Variants in NIPBL observed in about 807,000 individuals in gnomAD.
The protein encoded by NIPBL is NIPBL cohesin loading factor, also known as nipped-B-like protein.
NIPBL carries 19 observed loss-of-function variants against 321.8 expected under a neutral mutation model. The ratio of observed to expected loss-of-function variants is 0.06; its 90% CI spans 0.04 to 0.09. NIPBL has a LOEUF of 0.09. Among genes scored for constraint, NIPBL ranks in the 10% least tolerant of loss-of-function variants. The probability of loss-of-function intolerance (pLI) is 1.00; values close to 1 mark genes in which losing one functional copy is unlikely to be tolerated. For synonymous variants in NIPBL, 1,106 were observed against 1,114.1 expected (o/e 0.99, Z 0.14); for missense variants, 2,210 against 3,327.0 (o/e 0.66, Z 8.26).
At chr5:36,976,906 A>G (rs746044224) in intron 9 of NIPBL, among the ~76,000 whole-genome samples, 17 of 152,058 alleles carry the variant, frequency 1.1e-4, no homozygotes, top group Non-Finnish European at 2.1e-4. Flanking sequence ...TAAACAAATC[A>G]TGGAAAGAGT....
chr5:36,882,266 T>C (rs1745561731), intron 1 of NIPBL, among the ~76,000 whole-genome samples: 1 of 151,174 alleles, frequency 6.6e-6, no homozygotes, highest in South Asian at 2.1e-4. Flanking sequence ...AGTTTAGGGA[T>C]TTTTTTTGTG....
chr5:36,910,760 G>C (rs1162429503), intron 1 of NIPBL, among the ~76,000 whole-genome samples: 1 of 152,110 alleles, frequency 6.6e-6, no homozygotes, highest in African/African-American at 2.4e-5. Flanking sequence ...TTTCAGTACT[G>C]GTGATCTATT....
intron 1 of NIPBL, among the ~76,000 whole-genome samples, chr5:36,908,854 T>C (rs1270121413): frequency 6.6e-6 from 1 of 152,220 alleles, no homozygotes; most frequent in Non-Finnish European, 1.5e-5. Context: ...CTTGAAGTCT[T>C]ACCTAAGGAA....
rs769488387 is a variant in NIPBL at position 36,985,860 on chromosome 5, C to T, written c.2680C>T (p.Arg894Cys). ...GEQKSRPDSP[R>C]VKQGDSNKSR... is the part of the protein sequence containing the mutation. ...ACAAAAATCAAGACCTGACAGTCCT[C>T]GTGTTAAACAAGGAGATTCTAATAA... The change falls in exon 10 of 47, where the codon CGT becomes TGT. Residue 894 changes from arginine to cysteine, a missense_variant. Physicochemically the swap from Arg to Cys is radical, Grantham distance 180. This residue lies in a region of NIPBL where 588 missense variants were observed against 564.1 expected (regional missense o/e 1.04). Coordinates refer to ENST00000282516, the MANE Select transcript of NIPBL (RefSeq NM_133433.4). The T allele has an allele frequency of 2.5e-6, 4 of 1,613,544 alleles. No homozygotes were observed. Among genetic ancestry groups the T allele is most frequent in the East Asian group, 2.2e-5 (1 of 44,866 alleles).
intron 32 of NIPBL, among the ~76,000 whole-genome samples, chr5:37,028,559 T>G (rs1046119467): frequency 3.9e-5 from 6 of 152,222 alleles, no homozygotes; most frequent in Admixed American, 1.3e-4. Flanking sequence ...CAGGCTGGTC[T>G]CAAACTCCTG....
intron 1 of NIPBL, chr5:36,885,661 G>T (rs1365073275): frequency 1.1e-5 from 6 of 558,738 alleles, no homozygotes; most frequent in Non-Finnish European, 2.1e-5. Context: ...TTGTTCTGCA[G>T]ATTGACAATG....
chr5:36,980,227 A>G (rs1203801245), intron 9 of NIPBL, among the ~76,000 whole-genome samples: 1 of 151,766 alleles, frequency 6.6e-6, no homozygotes, highest in Non-Finnish European at 1.5e-5. Context: ...AATTATCTAA[A>G]TAGTTTTTTC....
At chr5:37,040,236 A>T (rs1752181650) in intron 34 of NIPBL, among the ~76,000 whole-genome samples, 1 of 152,082 alleles carries the variant, frequency 6.6e-6, no homozygotes. Flanking sequence ...TGTCTTGTGC[A>T]TTTTTTATGT....
intron 9 of NIPBL, among the ~76,000 whole-genome samples, chr5:36,976,854 G>C (rs902703305): frequency 6.6e-6 from 1 of 151,964 alleles, no homozygotes. Context: ...TATTTCACTT[G>C]GTTTATGATC....
rs998972088 is a variant in NIPBL at position 37,021,218 on chromosome 5, G to C, written c.5328+341G>C. 4.6e-5 allele frequency among the ~76,000 whole-genome samples: 7 copies of C among 152,278 alleles called. No individual in the cohort carries two copies. In the East Asian group the frequency reaches 1.4e-3, roughly 29 times the overall value. ...GGAGGCTGAGGCCGGAGAATTGCTT[G>C]AACCTGGGAGGTGGAAGTTGCAGTG... is the stretch of plus-strand genomic sequence containing the variant. On this transcript the variant is annotated intron_variant, in intron 27 of 46. Coordinates refer to ENST00000282516, the MANE Select transcript of NIPBL (RefSeq NM_133433.4).
chr5:36,961,397 G>A, intron 4 of NIPBL, 87 bp from the exon 5 acceptor site: 1 of 847,574 alleles, frequency 1.2e-6, no homozygotes, highest in Non-Finnish European at 2.0e-6. Flanking sequence ...TCTCTGGAAT[G>A]TTTGAAAGAA....
intron 45 of NIPBL, 65 bp downstream of exon 45, chr5:37,061,083 GCCGGT>G (rs1238573256): frequency 1.4e-5 from 17 of 1,213,368 alleles, no homozygotes; most frequent in Non-Finnish European, 1.5e-5. Flanking sequence ...AATGTGGGGG[GCCGGT>G]GGGGAGATAA....
chr5:36,879,911 TTTAAAG>T (rs1745378083), intron 1 of NIPBL, among the ~76,000 whole-genome samples: 1 of 152,112 alleles, frequency 6.6e-6, no homozygotes, highest in African/African-American at 2.4e-5. Context: ...ATGCTTCCTT[TTTAAAG>T]TTATTCAACA....
intron 1 of NIPBL, among the ~76,000 whole-genome samples, chr5:36,949,700 TA>T (rs1740059586): frequency 6.6e-6 from 1 of 151,932 alleles, no homozygotes; most frequent in South Asian, 2.1e-4. Context: ...GCTTTGGTTA[TA>T]GGGTGCAAAG....
In NIPBL at chr5:37,014,709, C is replaced by T. The variant is rs1748727860; in HGVS notation, c.4587C>T (p.Asn1529=). 3 of 1,608,638 alleles carry T rather than the reference C, an allele frequency of 1.9e-6. No individual in the cohort carries two copies. The highest frequency in any genetic ancestry group is 1.1e-5 in the South Asian group (1 of 90,962). The change falls in exon 22 of 47, where the codon AAC becomes AAT. Residue 1529 remains asparagine (N), a synonymous_variant. Coordinates refer to ENST00000282516, the MANE Select transcript of NIPBL (RefSeq NM_133433.4). ...KKIDQDVVIT[N]SYETAMRTAQ... is the part of the protein sequence containing the mutation. The stretch of plus-strand genomic sequence containing the variant: ...TTGACCAGGATGTTGTCATTACTAA[C>T]TCTTATGAAACAGCTATGCGAACAG...
At chr5:37,048,938 C>G (rs1161753483) in intron 39 of NIPBL, among the ~76,000 whole-genome samples, 173 bp from the exon 40 acceptor site, 1 of 148,882 alleles carries the variant, frequency 6.7e-6, no homozygotes, top group Non-Finnish European at 1.5e-5. Context: ...AAAGGGGCCT[C>G]TGACACAGAC....
At chr5:36,947,867 C>T (rs547768489) in intron 1 of NIPBL, among the ~76,000 whole-genome samples, 2 of 151,816 alleles carry the variant, frequency 1.3e-5, no homozygotes, top group East Asian at 3.9e-4. Context: ...TTTTTCATGC[C>T]TAGACCATCA....
chr5:37,027,528 A>G, intron 32 of NIPBL, 116 bp downstream of exon 32: 2 of 642,268 alleles, frequency 3.1e-6, no homozygotes, highest in Non-Finnish European at 5.5e-6. Flanking sequence ...TTCTTTTGGT[A>G]GGGAAAATTT....
In NIPBL at chr5:37,020,844, G is replaced by C. The variant is rs758853244; in HGVS notation, c.5295G>C (p.Pro1765=). The C allele has an allele frequency of 6.2e-7, 1 of 1,612,716 alleles. No individual in the cohort carries two copies. Among genetic ancestry groups the C allele is most frequent in the Admixed American group, 1.7e-5 (1 of 60,030 alleles). ...LIVRYLASMR[P]FAQSFDIYLT... is the part of the protein sequence containing the mutation. The stretch of plus-strand genomic sequence containing the variant: ...TTCGATACTTGGCCTCCATGAGGCC[G>C]TTTGCCCAGAGCTTTGATATTTATT... Residue 1765 remains proline, a synonymous_variant, in exon 27 of 47, where the codon CCG becomes CCC. Coordinates refer to ENST00000282516, the MANE Select transcript of NIPBL (RefSeq NM_133433.4).
Sources: gnomAD v4.1 joint callset for allele counts (sites outside exome capture counted in the v4.1 genomes callset) on GRCh38, gnomAD v4.1.1 for gene constraint, gnomAD v4.1.1 regional missense constraint, MANE v1.5 for transcripts, NCBI Gene and HGNC (gene_info 2026-07-23, HGNC 2026-07-21) for gene names.